Variants in MCC observed in about 807,000 individuals in gnomAD.
MCC encodes colorectal mutant cancer protein.
A neutral mutation model predicts 116.2 loss-of-function variants in MCC; 90 were observed. The ratio of observed to expected loss-of-function variants is 0.77; its 90% confidence interval spans 0.65 to 0.92. The LOEUF is 0.92. MCC is among the 40% of genes least tolerant of loss of function. MCC has a pLI of 0.00. For synonymous variants in MCC, 578 were observed against 510.5 expected (o/e 1.13, Z -1.78); for missense variants, 1,516 against 1,312.2 (o/e 1.16, Z -2.40).
rs1450945704 is a variant in MCC, at chr5:113,186,344, C to A, written c.628-34922G>T. ...TGTTTGATTTGCAGTCTCCCTTACA[C>A]CCCCTCATTTGGGCCTGTTTTAAAT... On this transcript the variant is annotated intron_variant, in intron 3 of 18. Coordinates refer to ENST00000408903, the MANE Select transcript of MCC (RefSeq NM_001085377.2). 1.3e-5 allele frequency among the ~76,000 whole-genome samples: 2 copies of A among 152,168 alleles called. 1 individual carries two copies. The highest frequency in any genetic ancestry group is 4.8e-5 in the African/African-American group (2 of 41,450).
At chr5:113,032,462 C>T (rs1244860608) in intron 17 of MCC, among the ~76,000 whole-genome samples, 1 of 146,872 alleles carries the variant, frequency 6.8e-6, no homozygotes, top group Non-Finnish European at 1.5e-5. Context: ...ATATTTTGGA[C>T]ATACTGGGTT....
chr5:113,166,561 T>C (rs1000753715), intron 3 of MCC, among the ~76,000 whole-genome samples: 1 of 152,078 alleles, frequency 6.6e-6, no homozygotes, highest in Non-Finnish European at 1.5e-5. Context: ...CTGAGATGGA[T>C]AAACAGGACT....
At chr5:113,184,545 T>C (rs1214501193) in intron 3 of MCC, among the ~76,000 whole-genome samples, 2 of 146,864 alleles carry the variant, frequency 1.4e-5, no homozygotes, top group Non-Finnish European at 3.0e-5. Context: ...CATGGCTCAC[T>C]GCAGTCTCCT....
chr5:113,484,311 C>T (rs1278873078), intron 1 of MCC, among the ~76,000 whole-genome samples: 1 of 152,084 alleles, frequency 6.6e-6, no homozygotes, highest in Non-Finnish European at 1.5e-5. Context: ...TAAAATATTA[C>T]ATAAATATGG....
At chr5:113,052,565 G>T (rs1293404402) in intron 15 of MCC, among the ~76,000 whole-genome samples, 1 of 152,198 alleles carries the variant, frequency 6.6e-6, no homozygotes, top group Non-Finnish European at 1.5e-5. Flanking sequence ...CAAGGACAGG[G>T]CTGTGCTGAG....
chr5:113,028,142 C>A (rs1206609922), intron 18 of MCC, among the ~76,000 whole-genome samples: 2 of 152,204 alleles, frequency 1.3e-5, no homozygotes, highest in African/African-American at 4.8e-5. Flanking sequence ...TGAGGACTCA[C>A]CCCAGAGATT....
chr5:113,351,164 A>G (rs188940877), intron 2 of MCC, among the ~76,000 whole-genome samples: 161 of 152,292 alleles, frequency 1.1e-3, no homozygotes, highest in African/African-American at 3.6e-3. Flanking sequence ...CAATCATAGG[A>G]TCCTGCAGTC....
intron 5 of MCC, among the ~76,000 whole-genome samples, chr5:113,129,530 G>A (rs115834990): frequency 0.012 from 1,842 of 152,302 alleles, 33 homozygotes; most frequent in African/African-American, 0.034. Flanking sequence ...GCTTTCTGGT[G>A]AGGGCTCTTC....
chr5:113,455,135 A>C (rs1341668835), intron 1 of MCC, among the ~76,000 whole-genome samples: 10 of 152,182 alleles, frequency 6.6e-5, no homozygotes, highest in Admixed American at 3.9e-4. Flanking sequence ...AAAAGTACTG[A>C]GATCCCATTT....
chr5:113,033,039 T>A (rs1266050340), intron 17 of MCC, among the ~76,000 whole-genome samples: 2 of 152,246 alleles, frequency 1.3e-5, no homozygotes, highest in African/African-American at 4.8e-5. Flanking sequence ...TAGCCATTCT[T>A]TTCCTTTACT....
chr5:113,054,830 C>T (rs1752713423), intron 14 of MCC, among the ~76,000 whole-genome samples: 1 of 152,198 alleles, frequency 6.6e-6, no homozygotes, highest in South Asian at 2.1e-4. Context: ...GGGACCAAAC[C>T]ACCATGAAAG....
At chr5:113,088,293 A>C (rs1239674458) in intron 8 of MCC, among the ~76,000 whole-genome samples, 1 of 152,042 alleles carries the variant, frequency 6.6e-6, no homozygotes, top group Non-Finnish European at 1.5e-5. Context: ...AAATGCAAGA[A>C]ACTAAGGCTA....
chr5:113,141,645 A>C (rs1022092651), intron 5 of MCC, among the ~76,000 whole-genome samples: 1 of 152,222 alleles, frequency 6.6e-6, no homozygotes, highest in Non-Finnish European at 1.5e-5. Context: ...AGGAGGGGCC[A>C]GCTCATTTAC....
chr5:113,123,731 C>T (rs1375442612), intron 5 of MCC, among the ~76,000 whole-genome samples: 2 of 152,140 alleles, frequency 1.3e-5, no homozygotes, highest in African/African-American at 4.8e-5. Context: ...AATGAACCGT[C>T]TTTGAAGGAT....
chr5:113,046,685 C>CAAAAAAAAAAAAAAAAAAAAAAAAAAA lies in MCC; in HGVS notation c.2655+2407_2655+2408insTTTTTTTTTTTTTTTTTTTTTTTTTTT, dbSNP rs151183145. On this transcript the variant is annotated intron_variant, in intron 16 of 18. Transcript: ENST00000408903. Reference sequence around the variant, plus strand: ...ACTGACTGCTAACAAACTCAAAAGGCAAAAAAAAAAAAAAAAAAAAAAAAA... The same window carrying CAAAAAAAAAAAAAAAAAAAAAAAAAAA: ...ACTGACTGCTAACAAACTCAAAAGGCAAAAAAAAAAAAAAAAAAAAAAAAAAAAAAAAAAAAAAAAAAAAAAAAAAAA... Among the ~76,000 whole-genome samples, 13 of 58,388 alleles carry CAAAAAAAAAAAAAAAAAAAAAAAAAAA rather than the reference C, an allele frequency of 2.2e-4. 1 individual carries two copies. Among genetic ancestry groups the CAAAAAAAAAAAAAAAAAAAAAAAAAAA allele is most frequent in the Admixed American group, 8.0e-4 (4 of 5,026 alleles). 38.3% of individuals were successfully genotyped at this position (58,388 alleles called of 152,430 possible). A position where few individuals can be genotyped will look rare whatever the true frequency, so the allele number is the denominator to read the frequency against.
rs1223569826 is a variant in MCC, at chr5:113,023,018, C to G, written c.*4284G>C. 1.3e-5 allele frequency: 2 copies of G among 152,202 alleles called. No individual in the cohort carries two copies. The highest frequency in any genetic ancestry group is 2.4e-5 in the African/African-American group (1 of 41,444). 9.4% of individuals were successfully genotyped at this position (152,202 alleles called of 1,614,324 possible). On this transcript the variant is annotated 3_prime_UTR_variant, in exon 19 of 19. Coordinates refer to ENST00000408903, the MANE Select transcript of MCC (RefSeq NM_001085377.2). ...CACAGGTATTAGCAAAACAAGAATA[C>G]ATGAACAGCTGCTATCAACTTGTAT...
At chr5:113,448,620 A>C (rs1771291167) in intron 1 of MCC, among the ~76,000 whole-genome samples, 1 of 147,842 alleles carries the variant, frequency 6.8e-6, no homozygotes, top group Non-Finnish European at 1.5e-5. Context: ...GTTGTGACAA[A>C]TACACACTCC....
At chr5:113,468,620 C>G (rs1389666435) in intron 1 of MCC, among the ~76,000 whole-genome samples, 5 of 152,174 alleles carry the variant, frequency 3.3e-5, no homozygotes, top group Non-Finnish European at 7.3e-5. Context: ...CGATGTTCAT[C>G]AAGGATATTG....
chr5:113,253,709 C>T (rs1368532429), intron 3 of MCC, among the ~76,000 whole-genome samples: 2 of 151,904 alleles, frequency 1.3e-5, no homozygotes, highest in Non-Finnish European at 2.9e-5. Context: ...AAAATGAAAC[C>T]GATCCCAGAG....
Sources: allele counts gnomAD v4.1 joint callset (sites outside exome capture counted in the v4.1 genomes callset), GRCh38; gene constraint gnomAD v4.1.1; transcripts MANE v1.5; gene names NCBI Gene and HGNC (gene_info 2026-07-23, HGNC 2026-07-21).